SYNE1: variants seen among roughly 807,000 people sequenced by gnomAD.
SYNE1 encodes spectrin repeat containing nuclear envelope protein 1, also known as nesprin-1.
Under a neutral mutation model 1,111.0 loss-of-function variants are expected in SYNE1, and 616 were observed. That is an observed-to-expected ratio of 0.55 (90% CI 0.52 to 0.59). The LOEUF is 0.59. Among genes scored for constraint, SYNE1 ranks in the 20% least tolerant of loss-of-function variants. The pLI, the probability that SYNE1 is intolerant of heterozygous loss-of-function variation, is 0.00. For missense variants in SYNE1, 10,006 were observed against 10,417.0 expected, an observed-to-expected ratio of 0.96 and a Z score of 1.72; for synonymous variants, 3,855 against 3,825.8, an observed-to-expected ratio of 1.01 and a Z score of -0.28.
chr6:152,511,663 C>T (rs763557111), intron 6 of SYNE1: 11 of 1,494,596 alleles, frequency 7.4e-6, no homozygotes, highest in Non-Finnish European at 1.0e-5. Context: ...ATTATTTGTT[C>T]AAAGGGAATA....
At chr6:152,462,938 G>GATCACTGGA in intron 19 of SYNE1, 48 bp from the exon 20 acceptor site, 1 of 1,606,970 alleles carries the variant, frequency 6.2e-7, no homozygotes, top group Middle Eastern at 1.7e-4. Flanking sequence ...ATTTAGCTGC[G>GATCACTGGA]ACCACTGGAA....
At chr6:152,549,286 C>T (rs959595276) in intron 3 of SYNE1, among the ~76,000 whole-genome samples, 1 of 152,230 alleles carries the variant, frequency 6.6e-6, no homozygotes, top group African/African-American at 2.4e-5. Context: ...GGTATATTGT[C>T]TTATATATGT....
chr6:152,464,818 G>C (rs1196687107), intron 18 of SYNE1: 1 of 251,446 alleles, frequency 4.0e-6, no homozygotes, highest in African/African-American at 2.3e-5. Context: ...ACCCTTGCTT[G>C]AAGGTTGATA....
chr6:152,397,420 G>C (rs1227257698), intron 49 of SYNE1, among the ~76,000 whole-genome samples: 1 of 152,092 alleles, frequency 6.6e-6, no homozygotes, highest in East Asian at 1.9e-4. Flanking sequence ...TGCTTGGACA[G>C]GGCTTTGACA....
chr6:152,604,641 A>G (rs911519613), intron 3 of SYNE1, among the ~76,000 whole-genome samples: 4 of 151,874 alleles, frequency 2.6e-5, no homozygotes, highest in African/African-American at 7.3e-5. Context: ...ATAGAAATCT[A>G]TCTAATAATT....
intron 3 of SYNE1, among the ~76,000 whole-genome samples, chr6:152,620,625 T>C (rs556892112): frequency 6.6e-6 from 1 of 152,232 alleles, no homozygotes; most frequent in South Asian, 2.1e-4. Context: ...CATCAACACA[T>C]TGTTTTAGTC....
intron 135 of SYNE1, 42 bp from the exon 136 acceptor site, chr6:152,149,710 CT>C (rs747501493): frequency 1.3e-6 from 2 of 1,535,130 alleles, no homozygotes; most frequent in Admixed American, 3.3e-5. Context: ...ATTGTTGTTG[CT>C]TACATTGATA....
At chr6:152,559,723 T>C (rs538257893) in intron 3 of SYNE1, among the ~76,000 whole-genome samples, 2 of 152,044 alleles carry the variant, frequency 1.3e-5, no homozygotes, top group South Asian at 2.1e-4. Flanking sequence ...CTCAAGGAGC[T>C]AGCAAAAAGA....
At position 152,224,570 on chromosome 6, in the gene SYNE1, G is replaced by A. The variant is rs772848164; in HGVS notation, c.21446C>T (p.Ala7149Val). ...ACGGAATCGGGAAAGAGAGTATCTG[G>A]CCTCCATGAGGTAACTGTTTATCTT... ...FDKINSYLMEARYSLSRFRLL... is the reference protein window; with the variant it reads ...FDKINSYLMEVRYSLSRFRLL... Residue 7149 changes from alanine to valine, a missense_variant, in exon 117 of 146, where the codon GCC (alanine) becomes GTC (valine). By Grantham distance (64) the Ala-to-Val change is moderately conservative. Around this residue, in one of 7 missense-constraint regions of SYNE1, gnomAD observed 2,182 missense variants for 2,287.8 expected, o/e 0.95. Transcript: ENST00000367255. 3 of 1,613,916 alleles carry A rather than the reference G, an allele frequency of 1.9e-6. No homozygotes were observed. Among genetic ancestry groups the A allele is most frequent in the East Asian group, 4.5e-5 (2 of 44,850 alleles).
At position 152,242,402 on chromosome 6, in the gene SYNE1, C is replaced by A; in HGVS notation, c.19731G>T (p.Arg6577=). 6.2e-7 allele frequency: 1 copy of A among 1,614,042 alleles called. No individual in the cohort carries two copies. The highest frequency in any genetic ancestry group is 1.3e-5 in the African/African-American group (1 of 75,014). ...YDELMMIIGS[R]RSGLNQNLTL... is the part of the protein sequence containing the mutation. Reference sequence around the variant, plus strand: ...TAAGGTTCTGATTCAGACCACTCCTCCGGGAGCCAATGATCATCATCAGCT... The same window carrying A: ...TAAGGTTCTGATTCAGACCACTCCTACGGGAGCCAATGATCATCATCAGCT... Residue 6577 remains arginine (R), a synonymous_variant, in exon 107 of 146, where the codon CGG becomes CGT. Coordinates refer to ENST00000367255, the MANE Select transcript of SYNE1 (RefSeq NM_182961.4).
intron 40 of SYNE1, among the ~76,000 whole-genome samples, chr6:152,418,714 T>A (rs1424127181): frequency 1.3e-5 from 2 of 152,140 alleles, no homozygotes; most frequent in Non-Finnish European, 1.5e-5. Flanking sequence ...TAAGGAAAGT[T>A]CCTCCAGAAG....
intron 84 of SYNE1, among the ~76,000 whole-genome samples, chr6:152,320,458 G>A (rs979317178): frequency 6.6e-6 from 1 of 151,934 alleles, no homozygotes; most frequent in Non-Finnish European, 1.5e-5. Context: ...TCTTCTCTTT[G>A]TCTCATATAG....
intron 63 of SYNE1, 56 bp downstream of exon 63, chr6:152,364,791 A>T (rs557432938): frequency 6.2e-7 from 1 of 1,609,676 alleles, no homozygotes; most frequent in South Asian, 1.1e-5. Flanking sequence ...GTTCAGTAGT[A>T]TTATATTGAT....
At chr6:152,409,335 A>G (rs998336379) in intron 43 of SYNE1, 109 bp from the exon 44 acceptor site, 16 of 1,158,780 alleles carry the variant, frequency 1.4e-5, no homozygotes, top group Non-Finnish European at 1.6e-5. Flanking sequence ...TGCAGAAATT[A>G]GTGATAGTGA....
chr6:152,175,116 C>T (rs1006671811), intron 130 of SYNE1, among the ~76,000 whole-genome samples: 1 of 152,150 alleles, frequency 6.6e-6, no homozygotes, highest in East Asian at 1.9e-4. Flanking sequence ...TTGCTTGAAC[C>T]TGGGAGGCAG....
rs188449229 is a variant in SYNE1 at position 152,547,428 on chromosome 6, T to C, written c.68-7407A>G. On this transcript the variant is annotated intron_variant, in intron 3 of 145. Coordinates refer to ENST00000367255, the MANE Select transcript of SYNE1 (RefSeq NM_182961.4). ...CATATTTTGTACATTATATATTCTG[T>C]CACCTGCAGTAACTTGAACTCATGA... Among the ~76,000 whole-genome samples the C allele has an allele frequency of 7.0e-4, 106 of 152,336 alleles. 3 individuals are homozygous for C. Among genetic ancestry groups the C allele is most frequent in the Admixed American group, 6.4e-3 (98 of 15,296 alleles).
At chr6:152,230,850 T>A in intron 114 of SYNE1, 148 bp from the exon 115 acceptor site, 1 of 933,176 alleles carries the variant, frequency 1.1e-6, no homozygotes, top group African/African-American at 1.7e-5. Context: ...CAGGGGTGTC[T>A]AATCTTTTGG....
intron 117 of SYNE1, among the ~76,000 whole-genome samples, chr6:152,223,217 A>G (rs1455523594): frequency 6.6e-6 from 1 of 152,238 alleles, no homozygotes; most frequent in Non-Finnish European, 1.5e-5. Context: ...TAAATTTACT[A>G]TCCTCAGAAG....
rs778586599 is a variant in SYNE1, at chr6:152,352,009, A to C, written c.11580+18T>G. 1.2e-6 allele frequency: 2 copies of C among 1,611,800 alleles called. No individual in the cohort carries two copies. The highest frequency in any genetic ancestry group is 1.7e-6 in the Non-Finnish European group (2 of 1,178,846). On this transcript the variant is annotated intron_variant, in intron 70 of 145. Transcript: ENST00000367255. ...TGTGTGACCTCTGCATGCATCTGTCAATGAGTAAACACACTACCTTGTATT... is the reference window on the plus strand; with the variant it reads ...TGTGTGACCTCTGCATGCATCTGTCCATGAGTAAACACACTACCTTGTATT...
Sources: gnomAD v4.1 joint callset for allele counts (sites outside exome capture counted in the v4.1 genomes callset) on GRCh38, gnomAD v4.1.1 for gene constraint, gnomAD v4.1.1 regional missense constraint, MANE v1.5 for transcripts, NCBI Gene and HGNC (gene_info 2026-07-23, HGNC 2026-07-21) for gene names.